Variants in ZFP30 observed in about 807,000 individuals in gnomAD.
ZFP30 encodes the protein ZFP30 zinc finger protein, also known as zinc finger protein 30 homolog.
A neutral mutation model predicts 12.3 loss-of-function variants in ZFP30; 16 were observed. The observed-to-expected ratio is 1.30, with a 90% CI of 0.88 to 1.98. The LOEUF (loss-of-function observed/expected upper bound fraction) is 1.98. Ranked by LOEUF, ZFP30 falls within the 30% of genes most tolerant of loss-of-function variation. The pLI, the probability that ZFP30 is intolerant of heterozygous loss-of-function variation, is 0.00. For missense variants in ZFP30, 560 were observed against 611.2 expected (o/e 0.92, Z 0.88); for synonymous variants, 172 against 201.0 (o/e 0.86, Z 1.22).
chr19:37,651,746 C>T (rs1028220649), intron 2 of ZFP30, among the ~76,000 whole-genome samples: 2 of 152,088 alleles, frequency 1.3e-5, no homozygotes, highest in Non-Finnish European at 2.9e-5. Flanking sequence ...AAAAGTTGAT[C>T]AAGTCATAGG....
intron 2 of ZFP30, among the ~76,000 whole-genome samples, chr19:37,648,587 A>G (rs11083430): frequency 0.18 from 26,808 of 151,874 alleles, 2,569 homozygotes; most frequent in Middle Eastern, 0.3. Flanking sequence ...TTAAAACACA[A>G]CTTGCTAGGT....
intron 2 of ZFP30, among the ~76,000 whole-genome samples, chr19:37,652,420 T>C (rs1210167551): frequency 6.6e-6 from 1 of 151,868 alleles, no homozygotes; most frequent in Non-Finnish European, 1.5e-5. Flanking sequence ...TACAAAAAAT[T>C]AGCTGGGCGT....
At chr19:37,640,954 C>T (rs1177128449) in intron 5 of ZFP30, among the ~76,000 whole-genome samples, 1 of 151,958 alleles carries the variant, frequency 6.6e-6, no homozygotes, top group Non-Finnish European at 1.5e-5. Flanking sequence ...ACCCTATGAC[C>T]ACAAAATTGT....
chr19:37,643,316 C>G lies in ZFP30; in HGVS notation c.184G>C (p.Gly62Arg). 6.2e-7 allele frequency: 1 copy of G among 1,610,948 alleles called. No homozygotes were observed. The highest frequency in any genetic ancestry group is 8.5e-7 in the Non-Finnish European group (1 of 1,178,758). ...CTCACAACCATCCAGGGCTCTTTCC[C>G]TTGTTCCAATAGGGTGATCACATCT... is the stretch of plus-strand genomic sequence containing the variant. ...KPDVITLLEQ[G>R]KEPWMVVRDE... Residue 62 changes from glycine (G) to arginine (R), a missense_variant, in exon 5 of 6, where the codon GGG becomes CGG. Physicochemically the swap from Gly to Arg is moderately radical, Grantham distance 125 (BLOSUM62 -2). Transcript: ENST00000684514.
chr19:37,647,407 A>C (rs2044564617), intron 3 of ZFP30, among the ~76,000 whole-genome samples: 1 of 152,192 alleles, frequency 6.6e-6, no homozygotes, highest in Admixed American at 6.5e-5. Context: ...GGCAGTGAGT[A>C]AGTCTCACGG....
At chr19:37,654,548 G>T (rs1010657161) in intron 2 of ZFP30, among the ~76,000 whole-genome samples, 164 bp downstream of exon 2, 1 of 151,968 alleles carries the variant, frequency 6.6e-6, no homozygotes, top group Admixed American at 6.5e-5. Flanking sequence ...AGCATGAAGT[G>T]GGCACTAACA....
At chr19:37,650,078 T>C (rs888451357) in intron 2 of ZFP30, among the ~76,000 whole-genome samples, 7 of 152,014 alleles carry the variant, frequency 4.6e-5, no homozygotes, top group Non-Finnish European at 8.8e-5. Flanking sequence ...CTTGATGGTA[T>C]CCCAGTCCTA....
chr19:37,641,008 T>A (rs1162459929), intron 5 of ZFP30, among the ~76,000 whole-genome samples: 1 of 152,228 alleles, frequency 6.6e-6, no homozygotes, highest in African/African-American at 2.4e-5. Context: ...TAATCCATAC[T>A]GAATTCCAAT....
intron 2 of ZFP30, among the ~76,000 whole-genome samples, chr19:37,651,835 C>T (rs79295771): frequency 6.6e-6 from 1 of 151,608 alleles, no homozygotes; most frequent in Non-Finnish European, 1.5e-5. Flanking sequence ...AAAAAATTTA[C>T]AAAACATCCA....
chr19:37,651,753 T>C (rs1029242764), intron 2 of ZFP30, among the ~76,000 whole-genome samples: 16 of 152,160 alleles, frequency 1.1e-4, no homozygotes, highest in Admixed American at 1.0e-3. Context: ...GATCAAGTCA[T>C]AGGAGCCAGA....
chr19:37,631,662 T>C lies in ZFP30; in HGVS notation c.*3319A>G, dbSNP rs2044234637. 2.1e-5 allele frequency: 3 copies of C among 145,358 alleles called. No individual in the cohort carries two copies. In the South Asian group the frequency reaches 6.6e-4, roughly 32 times the overall value. 9.0% of individuals were successfully genotyped at this position (145,358 alleles called of 1,614,324 possible). On this transcript the variant is annotated 3_prime_UTR_variant, in exon 6 of 6. Coordinates refer to ENST00000684514, the MANE Select transcript of ZFP30 (RefSeq NM_001320669.3). ...TTTACATACATAAAATTCATTCCAT[T>C]CTTAATACATAGAAAGCTAAAAAAA...
rs180800376 is a variant in ZFP30 at position 37,641,399 on chromosome 19, C to T, written c.235+1866G>A. Among the ~76,000 whole-genome samples, 44 of 152,248 alleles carry T rather than the reference C, an allele frequency of 2.9e-4. 1 individual carries two copies. Among genetic ancestry groups the T allele is most frequent in the Admixed American group, 9.2e-4 (14 of 15,296 alleles). ...AACCTTATTTTCATCATTGCCTCAC[C>T]ACCATTTTCTTTTTATCTCTCAGTA... On this transcript the variant is annotated intron_variant, in intron 5 of 5. Coordinates refer to ENST00000684514, the MANE Select transcript of ZFP30 (RefSeq NM_001320669.3).
chr19:37,641,303 G>A lies in ZFP30; in HGVS notation c.235+1962C>T, dbSNP rs559363178. ...TAAACATGTTCTAATATTTCACATC[G>A]TAAAATATATTCCTTGTACTCTTAT... On this transcript the variant is annotated intron_variant, in intron 5 of 5. Coordinates refer to ENST00000684514, the MANE Select transcript of ZFP30 (RefSeq NM_001320669.3). 1.1e-4 allele frequency among the ~76,000 whole-genome samples: 17 copies of A among 152,132 alleles called. No individual in the cohort carries two copies. The South Asian group carries it at 3.3e-3, about 30-fold the overall frequency.
chr19:37,648,625 C>T (rs146943431), intron 2 of ZFP30, among the ~76,000 whole-genome samples: 202 of 152,250 alleles, frequency 1.3e-3, no homozygotes, highest in African/African-American at 4.6e-3. Context: ...GCATTCAGTA[C>T]GTCTGGGATT....
In ZFP30 at chr19:37,635,959, G is replaced by C; in HGVS notation, c.582C>G (p.Ala194=). 6.2e-7 allele frequency: 1 copy of C among 1,614,098 alleles called. No individual in the cohort carries two copies. The highest frequency in any genetic ancestry group is 1.7e-5 in the Admixed American group (1 of 60,022). The part of the protein sequence containing the change: ...KPYECKECGK[A]FRQCAHLSRH... ...GACTGAGGTGGGCACACTGTCTAAA[G>C]GCTTTTCCACATTCTTTACATTCAT... The change falls in exon 6 of 6, where the codon GCC becomes GCG. Residue 194 remains alanine, a synonymous_variant. Transcript: ENST00000684514.
At position 37,635,364 on chromosome 19, in the gene ZFP30, G is replaced by C; in HGVS notation, c.1177C>G (p.Arg393Gly). ...TGATGTGAAATAAGTTCTGAGTAACGACGAAAGAACTTCTGACATTCCTTA... is the reference window on the plus strand; with the variant it reads ...TGATGTGAAATAAGTTCTGAGTAACCACGAAAGAACTTCTGACATTCCTTA... ...ECKECQKFFR[R>G]YSELISHQGI... The change falls in exon 6 of 6, where the codon CGT (arginine) becomes GGT (glycine). Residue 393 changes from arginine to glycine, a missense_variant. By Grantham distance (125) the Arg-to-Gly change is moderately radical. Transcript: ENST00000684514. 6.2e-7 allele frequency: 1 copy of C among 1,613,550 alleles called. No homozygotes were observed. Among genetic ancestry groups the C allele is most frequent in the Non-Finnish European group, 8.5e-7 (1 of 1,179,914 alleles).
chr19:37,654,518 C>T (rs562762803), intron 2 of ZFP30, among the ~76,000 whole-genome samples, 194 bp downstream of exon 2: 1 of 152,120 alleles, frequency 6.6e-6, no homozygotes, highest in South Asian at 2.1e-4. Flanking sequence ...GTTAACTAAC[C>T]ATGTGTCTAA....
intron 3 of ZFP30, among the ~76,000 whole-genome samples, chr19:37,645,633 T>C (rs113810581): frequency 1.5e-4 from 22 of 151,252 alleles, no homozygotes; most frequent in African/African-American, 5.3e-4. Context: ...TTTCCAGACA[T>C]ATTCGGGTAA....
At chr19:37,656,261 T>C (rs1029790595), upstream of ZFP30, 1 of 152,616 alleles carries the variant, frequency 6.6e-6, no homozygotes, top group South Asian at 2.1e-4. Flanking sequence ...ACGCTGGCTG[T>C]AGCGGGTCTC....
Sources: allele counts gnomAD v4.1 joint callset (sites outside exome capture counted in the v4.1 genomes callset), GRCh38; gene constraint gnomAD v4.1.1; transcripts MANE v1.5; gene names NCBI Gene and HGNC (gene_info 2026-07-23, HGNC 2026-07-21).